Variants in CTNNA3 observed in about 807,000 individuals in gnomAD.
CTNNA3 encodes catenin alpha 3.
In CTNNA3, 76 loss-of-function variants were observed where a neutral mutation model predicts 95.7. The ratio of observed to expected loss-of-function variants is 0.79; its 90% CI spans 0.66 to 0.96. CTNNA3 has a LOEUF of 0.96. Among genes scored for constraint, CTNNA3 ranks in the 40% least tolerant of loss-of-function variants. CTNNA3 has a pLI of 0.00. For synonymous variants in CTNNA3, 431 were observed against 374.4 expected (o/e 1.15, Z -1.74); for missense variants, 1,191 against 1,089.8 (o/e 1.09, Z -1.31).
chr10:67,144,182 T>G (rs1375321337), intron 7 of CTNNA3, among the ~76,000 whole-genome samples: 2 of 152,206 alleles, frequency 1.3e-5, no homozygotes, highest in African/African-American at 4.8e-5. Context: ...TGAGCAGGTT[T>G]CAACGTTGGG....
intron 13 of CTNNA3, among the ~76,000 whole-genome samples, chr10:66,128,869 AGTTTGTGTGTGTGTGTGT>A (rs2082952051): frequency 1.3e-5 from 2 of 151,568 alleles, no homozygotes; most frequent in African/African-American, 4.8e-5. Flanking sequence ...AGGCTGTGTG[AGTTTGTGTGTGTGTGTGT>A]GTTGTGGAGG....
intron 11 of CTNNA3, among the ~76,000 whole-genome samples, chr10:66,468,258 C>G (rs74141505): frequency 0.014 from 2,112 of 151,956 alleles, 57 homozygotes; most frequent in African/African-American, 0.048. Context: ...GAATTAATTG[C>G]GATGTATTTC....
At chr10:67,073,393 C>G (rs1452275558) in intron 7 of CTNNA3, among the ~76,000 whole-genome samples, 1 of 151,974 alleles carries the variant, frequency 6.6e-6, no homozygotes, top group Admixed American at 6.6e-5. Flanking sequence ...TTAAGATTAT[C>G]TCCCTTAAAT....
chr10:66,565,900 A>G (rs1053565378), intron 10 of CTNNA3, among the ~76,000 whole-genome samples: 6 of 152,168 alleles, frequency 3.9e-5, no homozygotes, highest in African/African-American at 1.4e-4. Context: ...ATTATATCCC[A>G]GCACCTAGTA....
At chr10:67,428,510 A>G (rs1845997158) in intron 5 of CTNNA3, among the ~76,000 whole-genome samples, 1 of 152,106 alleles carries the variant, frequency 6.6e-6, no homozygotes, top group African/African-American at 2.4e-5. Context: ...TTAGCATTAT[A>G]ACATAGCTTA....
At chr10:67,045,146 T>C (rs1169432891) in intron 7 of CTNNA3, among the ~76,000 whole-genome samples, 3 of 152,202 alleles carry the variant, frequency 2.0e-5, no homozygotes, top group Admixed American at 1.3e-4. Flanking sequence ...CAGTAAATGC[T>C]GAAGCATACA....
intron 13 of CTNNA3, among the ~76,000 whole-genome samples, chr10:66,159,326 T>G (rs1301886384): frequency 1.3e-5 from 2 of 152,084 alleles, no homozygotes; most frequent in Non-Finnish European, 2.9e-5. Flanking sequence ...CATTAAGGTA[T>G]GACCCTTGTA....
In CTNNA3 at chr10:67,270,410, G is replaced by A. The variant is rs1268636612; in HGVS notation, c.580-50540C>T. Among the ~76,000 whole-genome samples the A allele has an allele frequency of 2.0e-5, 3 of 152,212 alleles. No homozygotes were observed. The East Asian group carries it at 5.8e-4, about 29-fold the overall frequency. ...GTTTATTTTGTGTTCCAATTGCTATGCTCTGGTAAAATTCTACAAAAGGAA... is the reference window on the plus strand; with the variant it reads ...GTTTATTTTGTGTTCCAATTGCTATACTCTGGTAAAATTCTACAAAAGGAA... On this transcript the variant is annotated intron_variant, in intron 5 of 17. Coordinates refer to ENST00000433211, the MANE Select transcript of CTNNA3 (RefSeq NM_013266.4).
At chr10:65,951,786 T>C (rs2077618946) in intron 17 of CTNNA3, among the ~76,000 whole-genome samples, 2 of 151,994 alleles carry the variant, frequency 1.3e-5, no homozygotes, top group Admixed American at 1.3e-4. Flanking sequence ...TCCCAGCACT[T>C]TGGGAGGCCG....
chr10:67,609,116 C>T (rs1367951523), intron 2 of CTNNA3, among the ~76,000 whole-genome samples: 1 of 137,732 alleles, frequency 7.3e-6, no homozygotes, highest in Non-Finnish European at 1.6e-5. Context: ...AAAAACAACC[C>T]ATTTCTTAAT....
chr10:67,486,733 T>G (rs1332377676), intron 5 of CTNNA3, among the ~76,000 whole-genome samples: 14 of 152,216 alleles, frequency 9.2e-5, no homozygotes. Context: ...AGCTTTGTCC[T>G]CTGATTTTGT....
intron 7 of CTNNA3, among the ~76,000 whole-genome samples, chr10:66,958,459 GCT>G (rs1564794805): frequency 5.5e-5 from 1 of 18,134 alleles, no homozygotes; most frequent in African/African-American, 9.8e-5. Flanking sequence ...AAAATAAAAA[GCT>G]TTTTTTTTTA....
intron 3 of CTNNA3, among the ~76,000 whole-genome samples, chr10:67,560,478 C>A (rs570768545): frequency 1.1e-4 from 17 of 152,284 alleles, no homozygotes; most frequent in African/African-American, 4.1e-4. Context: ...AAAACAGCTC[C>A]TGAAGGAAGC....
At chr10:66,150,902 A>G (rs1003111256) in intron 13 of CTNNA3, among the ~76,000 whole-genome samples, 2 of 152,072 alleles carry the variant, frequency 1.3e-5, no homozygotes, top group African/African-American at 4.8e-5. Context: ...AGTGTACAAT[A>G]CAATTATTTT....
intron 5 of CTNNA3, among the ~76,000 whole-genome samples, chr10:67,296,648 G>A (rs1840042455): frequency 6.6e-6 from 1 of 152,046 alleles, no homozygotes; most frequent in African/African-American, 2.4e-5. Flanking sequence ...AGGGTTCAGT[G>A]CTGGGCCGGG....
chr10:66,104,556 C>T (rs113698125), intron 13 of CTNNA3, among the ~76,000 whole-genome samples: 3 of 152,186 alleles, frequency 2.0e-5, no homozygotes, highest in African/African-American at 7.2e-5. Flanking sequence ...AAGTAGTACA[C>T]ATTGTGCCCA....
At chr10:67,377,870 T>A (rs924066762) in intron 5 of CTNNA3, among the ~76,000 whole-genome samples, 1 of 152,040 alleles carries the variant, frequency 6.6e-6, no homozygotes, top group African/African-American at 2.4e-5. Flanking sequence ...CCAGAACTTA[T>A]TCCTCCTATC....
intron 15 of CTNNA3, among the ~76,000 whole-genome samples, chr10:65,998,737 T>C (rs181069837): frequency 1.3e-5 from 2 of 152,150 alleles, no homozygotes; most frequent in South Asian, 4.1e-4. Context: ...GAACTGACCT[T>C]GAGAATAGAC....
chr10:66,715,578 T>C (rs1453384833), intron 9 of CTNNA3, among the ~76,000 whole-genome samples: 1 of 152,152 alleles, frequency 6.6e-6, no homozygotes, highest in Non-Finnish European at 1.5e-5. Context: ...TAATGACAAA[T>C]GAAAAGTATT....
Sources: allele counts gnomAD v4.1 joint callset (sites outside exome capture counted in the v4.1 genomes callset), GRCh38; gene constraint gnomAD v4.1.1; transcripts MANE v1.5; gene names NCBI Gene and HGNC (gene_info 2026-07-23, HGNC 2026-07-21).